Variants in EXOC4 observed in about 807,000 individuals in gnomAD.
EXOC4 encodes the protein exocyst complex component 4.
Under a neutral mutation model 107.2 loss-of-function variants are expected in EXOC4, and 71 were observed. The observed-to-expected ratio is 0.66, with a 90% CI of 0.55 to 0.81. The LOEUF is 0.81. EXOC4 is among the 30% of genes least tolerant of loss of function. The pLI is 0.00. For synonymous variants in EXOC4, 456 were observed against 441.2 expected, an observed-to-expected ratio of 1.03 and a Z score of -0.42; for missense variants, 1,108 against 1,189.6, an observed-to-expected ratio of 0.93 and a Z score of 1.01.
At chr7:133,271,283 T>A (rs537170535) in intron 1 of EXOC4, among the ~76,000 whole-genome samples, 22 of 152,264 alleles carry the variant, frequency 1.4e-4, no homozygotes, top group Admixed American at 1.3e-3. Flanking sequence ...GACAAACATT[T>A]ATTGTCTGAG....
chr7:133,755,957 G>T (rs1795908319), intron 10 of EXOC4, among the ~76,000 whole-genome samples: 1 of 152,116 alleles, frequency 6.6e-6, no homozygotes, highest in Admixed American at 6.6e-5. Context: ...TTCTCAGTAA[G>T]ATCATTGGGA....
chr7:133,661,893 T>G (rs1397880950), intron 10 of EXOC4, among the ~76,000 whole-genome samples: 1 of 151,968 alleles, frequency 6.6e-6, no homozygotes. Context: ...AGTAAGAAAT[T>G]AAACGTGAAA....
At chr7:134,003,421 A>G (rs1185148619) in intron 15 of EXOC4, among the ~76,000 whole-genome samples, 2 of 152,164 alleles carry the variant, frequency 1.3e-5, no homozygotes, top group Non-Finnish European at 2.9e-5. Flanking sequence ...CTGTACACTA[A>G]AAGGGGGGAG....
Position 133,737,185 on chromosome 7 carries a change from T to A in EXOC4, c.1515-80140T>A, listed in dbSNP as rs151203829. On this transcript the variant is annotated intron_variant, in intron 10 of 17. Transcript: ENST00000253861. ...TACTATGTACCACACACTGCTGTCA[T>A]ATTTTCAGGCACAGCCCCAATCTTT... Among the ~76,000 whole-genome samples, 399 of 152,314 alleles carry A rather than the reference T, an allele frequency of 2.6e-3. 1 individual carries two copies. Among genetic ancestry groups the A allele is most frequent in the African/African-American group, 9.3e-3 (386 of 41,576 alleles).
chr7:133,598,370 A>G (rs143027141), intron 9 of EXOC4, among the ~76,000 whole-genome samples: 89 of 152,322 alleles, frequency 5.8e-4, no homozygotes, highest in African/African-American at 1.9e-3. Flanking sequence ...AGCTGTGCCA[A>G]TATCAGCAGA....
At chr7:133,465,136 G>A (rs908934505) in intron 7 of EXOC4, among the ~76,000 whole-genome samples, 34 of 151,992 alleles carry the variant, frequency 2.2e-4, no homozygotes, top group Non-Finnish European at 2.9e-5. Context: ...TTTTGTAATG[G>A]TGTAAGATAA....
rs570846397 is a variant in EXOC4 at position 133,755,084 on chromosome 7, G to A, written c.1515-62241G>A. Among the ~76,000 whole-genome samples the A allele has an allele frequency of 4.5e-4, 68 of 150,684 alleles. No individual in the cohort carries two copies. The South Asian group carries it at 0.011, about 25-fold the overall frequency. ...AATATAATGAAAAGCTGAGAAACAG[G>A]CTAAAGACCAACAGAAAATAAGTGC... is the stretch of plus-strand genomic sequence containing the variant. On this transcript the variant is annotated intron_variant, in intron 10 of 17. Coordinates refer to ENST00000253861, the MANE Select transcript of EXOC4 (RefSeq NM_021807.4).
At chr7:133,493,116 A>T (rs549055031) in intron 9 of EXOC4, among the ~76,000 whole-genome samples, 1 of 152,296 alleles carries the variant, frequency 6.6e-6, no homozygotes, top group Admixed American at 6.5e-5. Context: ...GAGTTAACAC[A>T]TGTAAAATGT....
At chr7:133,564,588 C>T (rs999142370) in intron 9 of EXOC4, among the ~76,000 whole-genome samples, 3 of 152,110 alleles carry the variant, frequency 2.0e-5, no homozygotes, top group Admixed American at 1.3e-4. Flanking sequence ...TTATGAAATA[C>T]GTTTACCAAA....
chr7:133,495,274 G>A (rs183453202), intron 9 of EXOC4, among the ~76,000 whole-genome samples: 28 of 151,574 alleles, frequency 1.8e-4, no homozygotes, highest in South Asian at 6.3e-4. Flanking sequence ...AAAATTGTGC[G>A]TAACACTGGA....
chr7:133,621,238 T>G (rs1802322379), intron 9 of EXOC4, among the ~76,000 whole-genome samples: 1 of 152,228 alleles, frequency 6.6e-6, no homozygotes, highest in African/African-American at 2.4e-5. Context: ...TAATTTATTG[T>G]AAGGAGATAA....
chr7:134,073,812 C>G, the EXOC4 span, among the ~76,000 whole-genome samples: 15 of 152,110 alleles, frequency 9.9e-5, no homozygotes, highest in African/African-American at 3.6e-4. Flanking sequence ...CAGGTTGCAC[C>G]AACACCCTGC....
intron 10 of EXOC4, among the ~76,000 whole-genome samples, chr7:133,747,895 C>T (rs2151135132): frequency 6.6e-6 from 1 of 152,258 alleles, no homozygotes; most frequent in African/African-American, 2.4e-5. Flanking sequence ...CAATTATTTT[C>T]TTGCCTATCC....
intron 3 of EXOC4, among the ~76,000 whole-genome samples, chr7:133,297,306 GA>G (rs1794541487): frequency 6.6e-6 from 1 of 152,164 alleles, no homozygotes; most frequent in Non-Finnish European, 1.5e-5. Flanking sequence ...TGTTTGGACT[GA>G]CTTGCACTCT....
chr7:133,889,529 G>T, intron 11 of EXOC4, among the ~76,000 whole-genome samples: 1 of 139,548 alleles, frequency 7.2e-6, no homozygotes. Flanking sequence ...CCACTAACTC[G>T]TCATCTAGCA....
intron 7 of EXOC4, among the ~76,000 whole-genome samples, chr7:133,463,595 C>A (rs2150828509): frequency 6.6e-6 from 1 of 152,214 alleles, no homozygotes; most frequent in Non-Finnish European, 1.5e-5. Flanking sequence ...CATTTTACAG[C>A]CTAACTACTA....
At chr7:133,370,122 C>T (rs1362588741) in intron 6 of EXOC4, among the ~76,000 whole-genome samples, 3 of 149,372 alleles carry the variant, frequency 2.0e-5, no homozygotes, top group Non-Finnish European at 3.0e-5. Flanking sequence ...CACTTTAATT[C>T]TCTCTCCCCC....
In EXOC4 at chr7:133,327,946, A is replaced by G. The variant is rs747347697; in HGVS notation, c.763+10556A>G. ...GTGGTGGAGAGTTCTGTAGAGGTCTATTAGGTCTGCTTGTTCCAGAGCTGA... is the reference window on the plus strand; with the variant it reads ...GTGGTGGAGAGTTCTGTAGAGGTCTGTTAGGTCTGCTTGTTCCAGAGCTGA... On this transcript the variant is annotated intron_variant, in intron 5 of 17. Coordinates refer to ENST00000253861, the MANE Select transcript of EXOC4 (RefSeq NM_021807.4). 4.6e-5 allele frequency among the ~76,000 whole-genome samples: 7 copies of G among 152,160 alleles called. No individual in the cohort carries two copies. The East Asian group carries it at 1.2e-3, about 25-fold the overall frequency.
chr7:133,442,165 G>T (rs1212816104), intron 7 of EXOC4, among the ~76,000 whole-genome samples: 1 of 152,114 alleles, frequency 6.6e-6, no homozygotes, highest in African/African-American at 2.4e-5. Context: ...ACCTGCCATT[G>T]ATGGTTTGAA....
Sources: gnomAD v4.1 joint callset for allele counts (sites outside exome capture counted in the v4.1 genomes callset) on GRCh38, gnomAD v4.1.1 for gene constraint, MANE v1.5 for transcripts, NCBI Gene and HGNC (gene_info 2026-07-23, HGNC 2026-07-21) for gene names.